C5orf46: variants seen among roughly 807,000 people sequenced by gnomAD.
C5orf46 encodes chromosome 5 open reading frame 46, also known as uncharacterized protein C5orf46.
Under a neutral mutation model 8.9 loss-of-function variants are expected in C5orf46, and 9 were observed. The observed-to-expected ratio is 1.01, with a 90% confidence interval of 0.61 to 1.76. The LOEUF (loss-of-function observed/expected upper bound fraction) is 1.76. Among genes scored for constraint, C5orf46 ranks in the 40% most tolerant of loss-of-function variants. C5orf46 has a pLI of 0.00. For missense variants in C5orf46, 98 were observed against 107.8 expected, an observed-to-expected ratio of 0.91 and a Z score of 0.40; for synonymous variants, 47 against 41.4, an observed-to-expected ratio of 1.14 and a Z score of -0.52.
intron 2 of C5orf46, among the ~76,000 whole-genome samples, chr5:147,900,828 G>C (rs1257259660): frequency 6.6e-6 from 1 of 152,244 alleles, no homozygotes; most frequent in Non-Finnish European, 1.5e-5. Flanking sequence ...AAATTTGGAA[G>C]AGTGAATTTC....
intron 2 of C5orf46, among the ~76,000 whole-genome samples, chr5:147,900,910 A>G (rs17107421): frequency 0.23 from 35,713 of 152,132 alleles, 7,134 homozygotes; most frequent in African/African-American, 0.55. Context: ...TGTCAAATCA[A>G]AACTATGTAG....
chr5:147,894,884 C>T (rs142274870), intron 3 of C5orf46, among the ~76,000 whole-genome samples: 1 of 151,672 alleles, frequency 6.6e-6, no homozygotes, highest in East Asian at 1.9e-4. Flanking sequence ...CATGGTGAAA[C>T]CTCATTTCTA....
In C5orf46 at chr5:147,902,944, G is replaced by T. The variant is rs1757694421; in HGVS notation, c.71-1171C>A. On this transcript the variant is annotated intron_variant, in intron 1 of 3. Coordinates refer to ENST00000318315, the MANE Select transcript of C5orf46 (RefSeq NM_206966.3). ...AACTGAAAAGTGAAAGGATTAAGAG[G>T]CTTACAGAAGACCTCATAGACAGTA... Among the ~76,000 whole-genome samples the T allele has an allele frequency of 2.0e-5, 3 of 152,122 alleles. No individual in the cohort carries two copies. The South Asian group carries it at 6.2e-4, about 32-fold the overall frequency.
At chr5:147,906,290 A>T (rs1757749707) in intron 1 of C5orf46, 142 bp downstream of exon 1, 1 of 455,890 alleles carries the variant, frequency 2.2e-6, no homozygotes. Flanking sequence ...TAGAAGATAC[A>T]CCTCTTGTCT....
At chr5:147,886,353 T>A (rs1216323053) in intron 2 of C5orf46, 3 of 152,108 alleles carry the variant, frequency 2.0e-5, no homozygotes, top group African/African-American at 7.2e-5. Context: ...ATATGCTGGA[T>A]TGCTCTGTAT....
downstream of C5orf46, among the ~76,000 whole-genome samples, chr5:147,892,501 G>T (rs1757517456): frequency 6.6e-6 from 1 of 152,102 alleles, no homozygotes; most frequent in African/African-American, 2.4e-5. Flanking sequence ...AGCTTGTTTT[G>T]AGGTCAGGTT....
chr5:147,891,886 C>T (rs1481464398), downstream of C5orf46, among the ~76,000 whole-genome samples: 1 of 152,154 alleles, frequency 6.6e-6, no homozygotes, highest in Non-Finnish European at 1.5e-5. Context: ...GTTTATCTAC[C>T]TGTATTATTA....
At chr5:147,888,061 C>T (rs1279442561), downstream of C5orf46, among the ~76,000 whole-genome samples, 2 of 152,146 alleles carry the variant, frequency 1.3e-5, no homozygotes, top group Non-Finnish European at 2.9e-5. Flanking sequence ...TCTCCATATA[C>T]CTGAGTGGCA....
intron 1 of C5orf46, among the ~76,000 whole-genome samples, chr5:147,902,202 A>T (rs937070251): frequency 2.6e-5 from 4 of 152,196 alleles, no homozygotes; most frequent in African/African-American, 9.6e-5. Flanking sequence ...CTGTAATCCC[A>T]GCACTTTGGG....
At chr5:147,893,289 T>C (rs1757529823) in intron 3 of C5orf46, among the ~76,000 whole-genome samples, 1 of 150,474 alleles carries the variant, frequency 6.6e-6, no homozygotes, top group South Asian at 2.1e-4. Context: ...ATCTTTTTTT[T>C]TTTTTTTTTT....
At chr5:147,899,028 C>A (rs1757627077) in intron 2 of C5orf46, among the ~76,000 whole-genome samples, 1 of 152,110 alleles carries the variant, frequency 6.6e-6, no homozygotes, top group African/African-American at 2.4e-5. Context: ...TCCTCTCATT[C>A]TCTCTTCCAA....
chr5:147,888,247 T>TCAAGAGC (rs1401620297), downstream of C5orf46, among the ~76,000 whole-genome samples: 3 of 152,214 alleles, frequency 2.0e-5, no homozygotes. Flanking sequence ...CCTCCCTTGC[T>TCAAGAGC]CAAGAGCTTT....
intron 3 of C5orf46, among the ~76,000 whole-genome samples, chr5:147,895,965 G>C (rs1757573731): frequency 6.6e-6 from 1 of 152,152 alleles, no homozygotes; most frequent in Non-Finnish European, 1.5e-5. Context: ...CCCAGGTTAT[G>C]AAATGGAGCC....
chr5:147,900,870 A>G (rs908881880), intron 2 of C5orf46, among the ~76,000 whole-genome samples: 1 of 152,228 alleles, frequency 6.6e-6, no homozygotes, highest in Non-Finnish European at 1.5e-5. Context: ...GGAGATTAAT[A>G]TGGGGAGAAT....
At chr5:147,902,078 T>G (rs1479390906) in intron 1 of C5orf46, among the ~76,000 whole-genome samples, 3 of 152,292 alleles carry the variant, frequency 2.0e-5, no homozygotes, top group South Asian at 2.1e-4. Flanking sequence ...AAGCAGCCAG[T>G]AAGTGCCAGT....
At chr5:147,902,922 T>A (rs1261551646) in intron 1 of C5orf46, among the ~76,000 whole-genome samples, 1 of 152,140 alleles carries the variant, frequency 6.6e-6, no homozygotes, top group Non-Finnish European at 1.5e-5. Flanking sequence ...CTCACTGAAC[T>A]GAAAAGTGAA....
intron 3 of C5orf46, among the ~76,000 whole-genome samples, chr5:147,895,055 T>G (rs1346984068): frequency 7.2e-6 from 1 of 139,852 alleles, no homozygotes; most frequent in African/African-American, 3.2e-5. Context: ...AGAGTGAGAC[T>G]CTGTCTCAAA....
intron 2 of C5orf46, among the ~76,000 whole-genome samples, chr5:147,898,205 A>T (rs1355205978): frequency 6.6e-6 from 1 of 152,178 alleles, no homozygotes; most frequent in Admixed American, 6.6e-5. Context: ...ATCCAATAAA[A>T]GGAACTTGGG....
At chr5:147,896,499 C>T (rs1306195520) in intron 3 of C5orf46, among the ~76,000 whole-genome samples, 2 of 152,036 alleles carry the variant, frequency 1.3e-5, no homozygotes, top group African/African-American at 4.8e-5. Context: ...AGGAGAGACC[C>T]GAGTAGGGAA....
Sources: gnomAD v4.1 joint callset for allele counts (sites outside exome capture counted in the v4.1 genomes callset) on GRCh38, gnomAD v4.1.1 for gene constraint, MANE v1.5 for transcripts, NCBI Gene and HGNC (gene_info 2026-07-23, HGNC 2026-07-21) for gene names.